Variants in VPS54 observed in about 807,000 individuals in gnomAD.
VPS54 encodes vacuolar protein sorting-associated protein 54.
Under a neutral mutation model 121.5 loss-of-function variants are expected in VPS54, and 45 were observed. The ratio of observed to expected loss-of-function variants is 0.37; its 90% CI spans 0.29 to 0.47. The LOEUF (loss-of-function observed/expected upper bound fraction) is 0.47. VPS54 is among the 20% of genes least tolerant of loss of function. VPS54 has a pLI of 0.99. For synonymous variants in VPS54, 371 were observed against 385.8 expected, an observed-to-expected ratio of 0.96 and a Z score of 0.45; for missense variants, 1,090 against 1,131.4, an observed-to-expected ratio of 0.96 and a Z score of 0.52.
chr2:63,975,775 A>T (rs1027227967), intron 3 of VPS54, among the ~76,000 whole-genome samples: 1 of 152,226 alleles, frequency 6.6e-6, no homozygotes, highest in South Asian at 2.1e-4. Flanking sequence ...CCACACAGCC[A>T]GCTCTGTGTG....
chr2:63,913,006 A>C (rs914697102), intron 18 of VPS54, among the ~76,000 whole-genome samples: 1 of 152,200 alleles, frequency 6.6e-6, no homozygotes, highest in Non-Finnish European at 1.5e-5. Flanking sequence ...TGTAACTTCC[A>C]AGTAACTTAT....
intron 1 of VPS54, among the ~76,000 whole-genome samples, chr2:64,005,272 T>C (rs924310910): frequency 6.6e-6 from 1 of 150,522 alleles, no homozygotes; most frequent in Non-Finnish European, 1.5e-5. Context: ...CCCGGCTAAT[T>C]TTTTGTATTT....
At chr2:63,913,093 G>A (rs1473467965) in intron 18 of VPS54, 130 bp downstream of exon 18, 1 of 698,572 alleles carries the variant, frequency 1.4e-6, no homozygotes, top group Non-Finnish European at 2.3e-6. Flanking sequence ...AAAAGAGTAA[G>A]TAGCATTTAT....
intron 15 of VPS54, among the ~76,000 whole-genome samples, chr2:63,919,117 A>G (rs1472019144): frequency 6.6e-6 from 1 of 152,104 alleles, no homozygotes; most frequent in East Asian, 1.9e-4. Flanking sequence ...TTATAGGACT[A>G]TTATAAATAA....
chr2:63,925,334 A>C (rs1265731785), intron 12 of VPS54, among the ~76,000 whole-genome samples: 1 of 152,234 alleles, frequency 6.6e-6, no homozygotes, highest in Non-Finnish European at 1.5e-5. Flanking sequence ...CTACACTTGC[A>C]ACATACCCAA....
intron 7 of VPS54, among the ~76,000 whole-genome samples, chr2:63,957,901 C>T (rs910387908): frequency 2.0e-5 from 3 of 152,142 alleles, no homozygotes; most frequent in Admixed American, 2.0e-4. Context: ...GAAAGTCTGA[C>T]TTAATTGGCT....
At chr2:63,939,349 C>T (rs10171116) in intron 11 of VPS54, among the ~76,000 whole-genome samples, 226 of 150,984 alleles carry the variant, frequency 1.5e-3, no homozygotes, top group African/African-American at 4.9e-3. Flanking sequence ...TCCAGCCTGG[C>T]GACAGAGTGA....
intron 22 of VPS54, among the ~76,000 whole-genome samples, chr2:63,895,919 C>T (rs192135640): frequency 6.6e-6 from 1 of 152,218 alleles, no homozygotes; most frequent in Admixed American, 6.5e-5. Context: ...CTACAAAAAC[C>T]CAACTAACCA....
intron 4 of VPS54, among the ~76,000 whole-genome samples, chr2:63,971,700 T>C (rs150019856): frequency 6.6e-6 from 1 of 152,358 alleles, no homozygotes; most frequent in East Asian, 1.9e-4. Context: ...CTCTTTAATA[T>C]ACAGTGATAC....
At chr2:64,013,684 A>C (rs1021239939) in intron 1 of VPS54, among the ~76,000 whole-genome samples, 7 of 146,782 alleles carry the variant, frequency 4.8e-5, no homozygotes, top group Middle Eastern at 3.6e-3. Context: ...ATATATTGAT[A>C]TATATCACAT....
At chr2:64,010,822 C>G (rs1678393524) in intron 1 of VPS54, among the ~76,000 whole-genome samples, 1 of 152,106 alleles carries the variant, frequency 6.6e-6, no homozygotes, top group Non-Finnish European at 1.5e-5. Context: ...TTGGGGCTGT[C>G]ATATAAATAA....
chr2:63,960,034 T>C (rs1258915222), intron 7 of VPS54, among the ~76,000 whole-genome samples: 2 of 150,314 alleles, frequency 1.3e-5, no homozygotes, highest in African/African-American at 4.9e-5. Context: ...AAATAAAAAA[T>C]AAATAAATAA....
intron 11 of VPS54, among the ~76,000 whole-genome samples, chr2:63,941,699 T>C (rs1029554091): frequency 1.3e-5 from 2 of 152,090 alleles, no homozygotes; most frequent in Non-Finnish European, 2.9e-5. Context: ...CACATGATGC[T>C]TGATTGGATT....
At chr2:63,984,236 A>G (rs138983767) in intron 1 of VPS54, among the ~76,000 whole-genome samples, 1,876 of 152,326 alleles carry the variant, frequency 0.012, 17 homozygotes, top group Non-Finnish European at 0.015. Flanking sequence ...CACCCTTAAT[A>G]TTTTATTCAA....
chr2:63,906,386 A>G (rs1037751953), intron 20 of VPS54, among the ~76,000 whole-genome samples: 70 of 152,226 alleles, frequency 4.6e-4, no homozygotes, highest in African/African-American at 1.7e-3. Context: ...AGCATTGAAT[A>G]ATTGGAAACG....
intron 20 of VPS54, among the ~76,000 whole-genome samples, chr2:63,901,715 C>T (rs994701074): frequency 6.6e-6 from 1 of 152,114 alleles, no homozygotes; most frequent in African/African-American, 2.4e-5. Flanking sequence ...AAGCCAGGAA[C>T]AAAACATGCC....
At chr2:63,941,228 A>G (rs1321955478) in intron 11 of VPS54, among the ~76,000 whole-genome samples, 1 of 151,692 alleles carries the variant, frequency 6.6e-6, no homozygotes, top group Non-Finnish European at 1.5e-5. Flanking sequence ...TTTTATTTTT[A>G]TTTTTTCATT....
chr2:63,920,492 T>A lies in VPS54; in HGVS notation c.2005A>T (p.Ile669Phe), dbSNP rs747755188. The change falls in exon 14 of 23, where the codon ATT (isoleucine) becomes TTT (phenylalanine). Residue 669 changes from isoleucine (I) to phenylalanine (F), a missense_variant. Ile to Phe is a conservative substitution (Grantham distance 21, BLOSUM62 0). Around this residue, in one of 2 missense-constraint regions of VPS54, gnomAD observed 289 missense variants for 374.4 expected, o/e 0.77. Transcript: ENST00000272322. ...TCATGAAACCTATTTACAAACTTAATAGCTTGGCTCTGAAGTGCTCCAAGT... is the reference window on the plus strand; with the variant it reads ...TCATGAAACCTATTTACAAACTTAAAAGCTTGGCTCTGAAGTGCTCCAAGT... ...SLLGALQSQAIKFVNRFHEER... is the reference protein window; with the variant it reads ...SLLGALQSQAFKFVNRFHEER... 8.9e-6 allele frequency: 14 copies of A among 1,571,400 alleles called. No homozygotes were observed. The highest frequency in any genetic ancestry group is 1.4e-5 in the African/African-American group (1 of 72,002).
chr2:63,988,990 T>C (rs1677187111), intron 1 of VPS54, among the ~76,000 whole-genome samples: 1 of 152,154 alleles, frequency 6.6e-6, no homozygotes, highest in Non-Finnish European at 1.5e-5. Flanking sequence ...GGGAAAAGAA[T>C]GCATTCTCGG....
Sources: allele counts gnomAD v4.1 joint callset (sites outside exome capture counted in the v4.1 genomes callset), GRCh38; gene constraint gnomAD v4.1.1; regional missense constraint gnomAD v4.1.1; transcripts MANE v1.5; gene names NCBI Gene and HGNC (gene_info 2026-07-23, HGNC 2026-07-21).